SPAG16: variants seen among roughly 807,000 people sequenced by gnomAD.
SPAG16 encodes the protein sperm-associated antigen 16 protein.
In SPAG16, 86 loss-of-function variants were observed where a neutral mutation model predicts 80.4. That is an observed-to-expected ratio of 1.07 (90% CI 0.90 to 1.28). The LOEUF (loss-of-function observed/expected upper bound fraction) is 1.28, where lower values mean the gene tolerates loss of function less well. SPAG16 is among the 50% of genes most tolerant of loss of function. The pLI, the probability that SPAG16 is intolerant of heterozygous loss-of-function variation, is 0.00. For synonymous variants in SPAG16, 294 were observed against 265.9 expected (o/e 1.11, Z -1.03); for missense variants, 870 against 765.3 (o/e 1.14, Z -1.61).
At chr2:214,278,045 C>G (rs1428011808) in intron 15 of SPAG16, among the ~76,000 whole-genome samples, 1 of 152,182 alleles carries the variant, frequency 6.6e-6, no homozygotes, top group Non-Finnish European at 1.5e-5. Flanking sequence ...CAGGCTGCTG[C>G]CTCGCAGGTC....
chr2:214,074,103 C>G lies in SPAG16; in HGVS notation c.1528-34093C>G, dbSNP rs149373535. On this transcript the variant is annotated intron_variant, in intron 13 of 15. Transcript: ENST00000331683. ...TTAAAATGGAACACAAGGGAGTTCT[C>G]TCACTCTCTGCTATGTGAGAATAAA... Among the ~76,000 whole-genome samples, 168 of 152,286 alleles carry G rather than the reference C, an allele frequency of 1.1e-3. 1 individual carries two copies. Among genetic ancestry groups the G allele is most frequent in the African/African-American group, 3.9e-3 (164 of 41,568 alleles).
At chr2:213,644,352 C>T (rs976288655) in intron 10 of SPAG16, among the ~76,000 whole-genome samples, 2 of 151,890 alleles carry the variant, frequency 1.3e-5, no homozygotes, top group Non-Finnish European at 2.9e-5. Flanking sequence ...TTCCTGGTGA[C>T]TTATTTAGTT....
rs184063139 is a variant in SPAG16 at position 214,178,303 on chromosome 2, G to A, written c.1720+29037G>A. 2.6e-3 allele frequency among the ~76,000 whole-genome samples: 387 copies of A among 150,922 alleles called. 2 individuals are homozygous for A. Among genetic ancestry groups the A allele is most frequent in the Non-Finnish European group, 4.1e-3 (273 of 67,296 alleles). On this transcript the variant is annotated intron_variant, in intron 15 of 15. Transcript: ENST00000331683. ...ACCAATCTAGGAAATTGGAATGTAG[G>A]AGTTTAATGGTTGCTATATTATGTA...
At chr2:213,346,858 G>A (rs6435769) in intron 6 of SPAG16, among the ~76,000 whole-genome samples, 132,826 of 151,562 alleles carry the variant, frequency 0.88, 60,183 homozygotes, top group East Asian at 1. Flanking sequence ...TTTTTGTTGT[G>A]TCTCTGCCAG....
At chr2:213,776,689 A>G (rs755481935) in intron 10 of SPAG16, among the ~76,000 whole-genome samples, 4 of 152,120 alleles carry the variant, frequency 2.6e-5, no homozygotes, top group Admixed American at 1.3e-4. Context: ...ATAAGAAATA[A>G]AATAGAAAGC....
In SPAG16 at chr2:213,602,856, T is replaced by C. The variant is rs551541341; in HGVS notation, c.1070+112766T>C. 1.2e-3 allele frequency among the ~76,000 whole-genome samples: 183 copies of C among 152,378 alleles called. 1 individual carries two copies. The highest frequency in any genetic ancestry group is 4.1e-3 in the African/African-American group (169 of 41,592). ...TTATTTATTTTTCCCACTTGGGTAA[T>C]TGATTAAGAATGTATTCTCTGCTAG... is the stretch of plus-strand genomic sequence containing the variant. On this transcript the variant is annotated intron_variant, in intron 10 of 15. Transcript: ENST00000331683.
chr2:214,151,136 G>A (rs2055954912), intron 15 of SPAG16, among the ~76,000 whole-genome samples: 1 of 152,066 alleles, frequency 6.6e-6, no homozygotes, highest in African/African-American at 2.4e-5. Flanking sequence ...TTAGTTCCAT[G>A]TGTGTGAGAA....
At position 214,045,629 on chromosome 2, in the gene SPAG16, T is replaced by A. The variant is rs1461283821; in HGVS notation, c.1527+31552T>A. 3.9e-5 allele frequency among the ~76,000 whole-genome samples: 6 copies of A among 152,126 alleles called. No homozygotes were observed. The East Asian group carries it at 9.6e-4, about 24-fold the overall frequency. ...ATGATCAATGAGTTAATGAAGTGAT[T>A]AAGAAGAAAATTTAAAATTTTCTTG... On this transcript the variant is annotated intron_variant, in intron 13 of 15. Coordinates refer to ENST00000331683, the MANE Select transcript of SPAG16 (RefSeq NM_024532.5).
At chr2:214,198,390 T>A (rs1054357805) in intron 15 of SPAG16, among the ~76,000 whole-genome samples, 15 of 152,134 alleles carry the variant, frequency 9.9e-5, no homozygotes, top group African/African-American at 2.4e-5. Flanking sequence ...TCACTTAGAA[T>A]AATGGCCTCC....
At chr2:213,734,368 A>G (rs367915377) in intron 10 of SPAG16, among the ~76,000 whole-genome samples, 9 of 152,332 alleles carry the variant, frequency 5.9e-5, no homozygotes, top group Non-Finnish European at 8.8e-5. Flanking sequence ...CCACCAAACC[A>G]AGAGAAAAAA....
At chr2:213,777,237 AT>A (rs59548915) in intron 10 of SPAG16, among the ~76,000 whole-genome samples, 13,190 of 81,486 alleles carry the variant, frequency 0.16, 123 homozygotes, top group Non-Finnish European at 0.22. Flanking sequence ...GTTTGTAGGA[AT>A]TTTTTTTTTT....
intron 10 of SPAG16, among the ~76,000 whole-genome samples, chr2:213,691,832 G>T (rs1488315547): frequency 6.6e-6 from 1 of 152,194 alleles, no homozygotes; most frequent in Non-Finnish European, 1.5e-5. Context: ...TGTGCTCTCT[G>T]ATATATCTCA....
intron 13 of SPAG16, among the ~76,000 whole-genome samples, chr2:214,059,184 G>GTCTCTCTCTC (rs1338455574): frequency 1.7e-5 from 1 of 58,406 alleles, no homozygotes; most frequent in African/African-American, 5.8e-5. Context: ...CTCTCTCTCT[G>GTCTCTCTCTC]TCTATATATA....
intron 15 of SPAG16, among the ~76,000 whole-genome samples, chr2:214,244,134 G>T (rs1689678360): frequency 6.6e-6 from 1 of 151,854 alleles, no homozygotes; most frequent in Admixed American, 6.6e-5. Context: ...GGAAATAAAG[G>T]AATGCCTTCA....
intron 12 of SPAG16, among the ~76,000 whole-genome samples, chr2:213,957,708 T>A (rs1912505): frequency 0.16 from 23,760 of 152,156 alleles, 2,925 homozygotes; most frequent in African/African-American, 0.34. Flanking sequence ...TTTAGTTGAC[T>A]TTTTTAGTAG....
At chr2:214,021,054 C>T (rs1232384531) in intron 13 of SPAG16, among the ~76,000 whole-genome samples, 1 of 151,990 alleles carries the variant, frequency 6.6e-6, no homozygotes, top group East Asian at 1.9e-4. Context: ...GCTTACAGTT[C>T]ACTGTTGGCA....
chr2:214,134,047 T>C (rs2054920497), intron 14 of SPAG16, among the ~76,000 whole-genome samples: 1 of 152,202 alleles, frequency 6.6e-6, no homozygotes, highest in Non-Finnish European at 1.5e-5. Flanking sequence ...TCAAGAGTCA[T>C]AAACATCTTA....
chr2:213,998,332 GT>G (rs1371287485), intron 12 of SPAG16, among the ~76,000 whole-genome samples: 1 of 152,072 alleles, frequency 6.6e-6, no homozygotes, highest in African/African-American at 2.4e-5. Context: ...CATGGGGGTG[GT>G]TTCCCCCATA....
chr2:213,846,844 C>G (rs75986282), intron 10 of SPAG16, among the ~76,000 whole-genome samples: 2 of 152,158 alleles, frequency 1.3e-5, no homozygotes, highest in African/African-American at 2.4e-5. Flanking sequence ...TGTGCAGGCT[C>G]AATGGCTTCT....
Sources: allele counts gnomAD v4.1 joint callset (sites outside exome capture counted in the v4.1 genomes callset), GRCh38; gene constraint gnomAD v4.1.1; transcripts MANE v1.5; gene names NCBI Gene and HGNC (gene_info 2026-07-23, HGNC 2026-07-21).